Variants in SLC7A7 observed in about 807,000 individuals in gnomAD.
The protein encoded by SLC7A7 is solute carrier family 7 member 7, also known as Y+L amino acid transporter 1.
A neutral mutation model predicts 47.9 loss-of-function variants in SLC7A7; 39 were observed. That is an observed-to-expected ratio of 0.81 (90% CI 0.63 to 1.06). The LOEUF (loss-of-function observed/expected upper bound fraction) is 1.06, where lower values mean the gene tolerates loss of function less well. SLC7A7 is among the 50% of genes least tolerant of loss of function. The pLI is 0.00. For synonymous variants in SLC7A7, 234 were observed against 242.8 expected (o/e 0.96, Z 0.34); for missense variants, 588 against 632.0 (o/e 0.93, Z 0.75).
chr14:22,799,448 C>CTTTTT (rs56375225), intron 2 of SLC7A7, among the ~76,000 whole-genome samples: 1,950 of 76,150 alleles, frequency 0.026, 3 homozygotes, highest in Middle Eastern at 0.056. Context: ...TTTTTTCTTT[C>CTTTTT]TTTTTTTTTT....
intron 7 of SLC7A7, 142 bp from the exon 8 acceptor site, chr14:22,774,645 C>T (rs765165045): frequency 3.3e-5 from 35 of 1,076,350 alleles, no homozygotes; most frequent in Admixed American, 1.3e-4. Context: ...CCTTTAACAC[C>T]CTAGTTTCAG....
chr14:22,818,582 GGTT>G (rs2039436758), upstream of SLC7A7, among the ~76,000 whole-genome samples: 1 of 75,050 alleles, frequency 1.3e-5, no homozygotes. Flanking sequence ...CCAGGTTTTT[GGTT>G]TTTTTTTTTT....
chr14:22,777,545 A>G (rs2038637572), intron 4 of SLC7A7, among the ~76,000 whole-genome samples: 2 of 150,358 alleles, frequency 1.3e-5, no homozygotes, highest in African/African-American at 5.0e-5. Context: ...CATGATCTTT[A>G]TAAGCATCCT....
At chr14:22,797,540 T>G (rs2065047) in intron 2 of SLC7A7, among the ~76,000 whole-genome samples, 120,095 of 152,020 alleles carry the variant, frequency 0.79, 48,052 homozygotes, top group Non-Finnish European at 0.86. Context: ...CAAGAATCAG[T>G]TGCTATGAAA....
intron 2 of SLC7A7, among the ~76,000 whole-genome samples, chr14:22,787,906 T>C (rs531517909): frequency 4.9e-4 from 75 of 151,806 alleles, no homozygotes; most frequent in African/African-American, 1.8e-3. Flanking sequence ...ACCCCATCTC[T>C]ACTAAAAATA....
intron 2 of SLC7A7, among the ~76,000 whole-genome samples, chr14:22,811,882 C>T (rs190536367): frequency 2.7e-3 from 392 of 146,700 alleles, no homozygotes; most frequent in African/African-American, 9.1e-3. Flanking sequence ...ATCCAGCCTA[C>T]AGAAATACTC....
intron 2 of SLC7A7, among the ~76,000 whole-genome samples, chr14:22,806,222 G>C (rs1397536340): frequency 2.0e-5 from 2 of 100,880 alleles, no homozygotes; most frequent in Non-Finnish European, 3.6e-5. Flanking sequence ...TTGAGACAGA[G>C]TCTTGCTCTG....
chr14:22,777,507 T>C lies in SLC7A7; in HGVS notation c.771-1189A>G, dbSNP rs180753207. ...TGGGCAAAAGAAAGATGCAAAGAGC[T>C]CTCAAGGTCCCTGTAGCCCAATAAA... On this transcript the variant is annotated intron_variant, in intron 4 of 9. Coordinates refer to ENST00000674313, the MANE Select transcript of SLC7A7 (RefSeq NM_003982.4). Among the ~76,000 whole-genome samples the C allele has an allele frequency of 1.6e-3, 241 of 152,096 alleles. 2 individuals are homozygous for C. The highest frequency in any genetic ancestry group is 5.6e-3 in the African/African-American group (233 of 41,502).
At chr14:22,798,253 C>A (rs979337497) in intron 2 of SLC7A7, among the ~76,000 whole-genome samples, 19 of 151,848 alleles carry the variant, frequency 1.3e-4, no homozygotes, top group African/African-American at 4.6e-4. Flanking sequence ...ACTGAGATTA[C>A]GCCACTGCAC....
At chr14:22,774,183 C>T (rs559427547) in intron 8 of SLC7A7, 67 bp from the exon 9 acceptor site, 812 of 1,596,352 alleles carry the variant, frequency 5.1e-4, no homozygotes, top group Non-Finnish European at 6.8e-4. Context: ...ATAACCCCAC[C>T]TCCCATAAGG....
intron 9 of SLC7A7, 53 bp from the exon 10 acceptor site, chr14:22,773,769 C>G: frequency 6.3e-7 from 1 of 1,586,406 alleles, no homozygotes; most frequent in Non-Finnish European, 8.7e-7. Flanking sequence ...GGGCTGAGTT[C>G]AAGTGTCACT....
chr14:22,790,828 T>C (rs1173049927), intron 2 of SLC7A7, among the ~76,000 whole-genome samples: 2 of 151,884 alleles, frequency 1.3e-5, no homozygotes, highest in Non-Finnish European at 2.9e-5. Flanking sequence ...TGAAACCCCG[T>C]CTCTACTAAA....
rs2038598792 is a variant in SLC7A7 at position 22,776,042 on chromosome 14, C to T, written c.895-106G>A. ...TTATTAGGTATTCCAACCTTTCTTC[C>T]ACAGTGGGGTTAACAGGACCTTCTT... On this transcript the variant is annotated intron_variant, in intron 5 of 9. Coordinates refer to ENST00000674313, the MANE Select transcript of SLC7A7 (RefSeq NM_003982.4). 6 of 1,419,100 alleles carry T rather than the reference C, an allele frequency of 4.2e-6. No individual in the cohort carries two copies. The South Asian group carries it at 4.6e-5, about 11-fold the overall frequency. The allele number at this position is 1,419,100 out of a possible 1,614,324, so 87.9% of individuals were successfully genotyped here.
At chr14:22,788,728 C>T (rs1328395126) in intron 2 of SLC7A7, among the ~76,000 whole-genome samples, 1 of 146,460 alleles carries the variant, frequency 6.8e-6, no homozygotes, top group South Asian at 2.1e-4. Context: ...AAAAAGTGAA[C>T]AATCTACGAC....
At chr14:22,815,618 A>G (rs1389499282), upstream of SLC7A7, 1 of 454,114 alleles carries the variant, frequency 2.2e-6, no homozygotes. Flanking sequence ...TTCTGTGATA[A>G]GAAGGTGCTC....
chr14:22,794,888 A>G (rs1201895473), intron 2 of SLC7A7, among the ~76,000 whole-genome samples: 1 of 152,096 alleles, frequency 6.6e-6, no homozygotes, highest in East Asian at 1.9e-4. Flanking sequence ...ACTCTGAAGC[A>G]TGGTGACAAT....
chr14:22,797,689 C>T (rs1286624505), intron 2 of SLC7A7, among the ~76,000 whole-genome samples: 1 of 152,096 alleles, frequency 6.6e-6, no homozygotes, highest in African/African-American at 2.4e-5. Context: ...ATATTCCTGA[C>T]AGAGAGGGCA....
chr14:22,791,147 G>C (rs2038917758), intron 2 of SLC7A7, among the ~76,000 whole-genome samples: 1 of 152,020 alleles, frequency 6.6e-6, no homozygotes, highest in African/African-American at 2.4e-5. Flanking sequence ...TCTCTGCTAT[G>C]TAGTCTCCAA....
intron 2 of SLC7A7, among the ~76,000 whole-genome samples, chr14:22,781,063 C>T (rs1217237963): frequency 2.6e-5 from 4 of 152,162 alleles, no homozygotes; most frequent in African/African-American, 9.7e-5. Context: ...TAGCGAATCG[C>T]TTCATTGCTC....
Sources: allele counts gnomAD v4.1 joint callset (sites outside exome capture counted in the v4.1 genomes callset), GRCh38; gene constraint gnomAD v4.1.1; transcripts MANE v1.5; gene names NCBI Gene and HGNC (gene_info 2026-07-23, HGNC 2026-07-21).